MMP26: variants seen among roughly 807,000 people sequenced by gnomAD.
MMP26 encodes the protein matrix metallopeptidase 26.
MMP26 carries 33 observed loss-of-function variants against 31.0 expected under a neutral mutation model. The observed-to-expected ratio is 1.06, with a 90% CI of 0.81 to 1.42. The LOEUF is 1.42. MMP26 is among the 40% of genes most tolerant of loss of function. The pLI, the probability that MMP26 is intolerant of heterozygous loss-of-function variation, is 0.00. For synonymous variants in MMP26, 122 were observed against 114.9 expected, an observed-to-expected ratio of 1.06 and a Z score of -0.40; for missense variants, 347 against 316.1, an observed-to-expected ratio of 1.10 and a Z score of -0.74.
At chr11:4,717,477 T>TTA (rs1847949827) in intron 1 of MMP26, among the ~76,000 whole-genome samples, 1 of 151,566 alleles carries the variant, frequency 6.6e-6, no homozygotes, top group Non-Finnish European at 1.5e-5. Context: ...GAGAAAGAGA[T>TTA]ATTAACCAGT....
intron 2 of MMP26, chr11:4,803,419 C>T: frequency 5.2e-6 from 8 of 1,541,762 alleles, no homozygotes; most frequent in Non-Finnish European, 6.2e-6. Context: ...GATGGGGATA[C>T]ACTGACCCTT....
intron 2 of MMP26, among the ~76,000 whole-genome samples, chr11:4,985,887 C>T (rs999186556): frequency 1.3e-5 from 2 of 152,172 alleles, no homozygotes; most frequent in African/African-American, 4.8e-5. Flanking sequence ...ACAATCCCCT[C>T]CATGACAGAG....
At chr11:4,725,386 T>C (rs909301568) in intron 1 of MMP26, among the ~76,000 whole-genome samples, 2 of 152,218 alleles carry the variant, frequency 1.3e-5, no homozygotes, top group Admixed American at 6.5e-5. Context: ...CTTCTTGGCA[T>C]CTTAAAATTG....
At chr11:4,745,194 C>G (rs1462541710) in intron 1 of MMP26, among the ~76,000 whole-genome samples, 1 of 152,080 alleles carries the variant, frequency 6.6e-6, no homozygotes, top group Non-Finnish European at 1.5e-5. Context: ...GGTTTCACAC[C>G]CGGTTGTTCC....
At chr11:4,971,827 C>T (rs1598507) in intron 2 of MMP26, among the ~76,000 whole-genome samples, 78,289 of 151,914 alleles carry the variant, frequency 0.52, 20,744 homozygotes, top group South Asian at 0.64. Flanking sequence ...GAAGGTATCA[C>T]AGGCAAGAGG....
In MMP26 at chr11:4,804,372, C is replaced by G. The variant is rs771065228; in HGVS notation, c.-145+37031C>G. The G allele has an allele frequency of 4.3e-6, 7 of 1,613,774 alleles. No individual in the cohort carries two copies. The South Asian group carries it at 7.7e-5, about 18-fold the overall frequency. ...GATGAGAAGAGCTGTTCCCTGAAGC[C>G]AGCACCATGGACTGGTTAATATGGT... On this transcript the variant is annotated intron_variant, in intron 2 of 7. Coordinates refer to ENST00000380390, the MANE Select transcript of MMP26 (RefSeq NM_021801.5).
At chr11:4,848,390 C>T (rs763366600) in intron 2 of MMP26, 5 of 1,613,864 alleles carry the variant, frequency 3.1e-6, no homozygotes, top group Non-Finnish European at 4.2e-6. Flanking sequence ...GAGTGATTGG[C>T]AGCTCAGGAT....
At chr11:4,769,546 A>G in intron 2 of MMP26, 1 of 1,613,596 alleles carries the variant, frequency 6.2e-7, no homozygotes, top group Non-Finnish European at 8.5e-7. Flanking sequence ...TGGCCACATA[A>G]CGGTCAAAGG....
chr11:4,890,476 T>C (rs1161763973), intron 2 of MMP26: 1 of 154,556 alleles, frequency 6.5e-6, no homozygotes. Flanking sequence ...TTGCCTAGGA[T>C]GGCTACCAAG....
chr11:4,970,538 G>C (rs144543241), intron 2 of MMP26, among the ~76,000 whole-genome samples: 1 of 152,210 alleles, frequency 6.6e-6, no homozygotes, highest in Admixed American at 6.5e-5. Context: ...TGAGTATAGA[G>C]AGGTGAGCCA....
intron 2 of MMP26, chr11:4,907,981 C>T: frequency 6.2e-7 from 1 of 1,614,206 alleles, no homozygotes; most frequent in Non-Finnish European, 8.5e-7. Context: ...TCATTGCTCT[C>T]TGTACTATGC....
At chr11:4,854,990 C>T (rs1850029975) in intron 2 of MMP26, among the ~76,000 whole-genome samples, 1 of 152,216 alleles carries the variant, frequency 6.6e-6, no homozygotes, top group Non-Finnish European at 1.5e-5. Flanking sequence ...AACAGAGCTA[C>T]AGCTAAGGGT....
intron 2 of MMP26, chr11:4,849,349 C>G (rs1849940526): frequency 2.6e-6 from 2 of 769,320 alleles, no homozygotes; most frequent in Non-Finnish European, 4.2e-6. Flanking sequence ...TACACGTACA[C>G]ATATACACAT....
chr11:4,720,552 A>G (rs905612798), intron 1 of MMP26, among the ~76,000 whole-genome samples: 3 of 152,210 alleles, frequency 2.0e-5, no homozygotes, highest in African/African-American at 4.8e-5. Context: ...CTGAAAGGGA[A>G]AAAAAGGAAC....
intron 2 of MMP26, among the ~76,000 whole-genome samples, chr11:4,960,859 A>G (rs986085977): frequency 2.6e-5 from 4 of 152,196 alleles, no homozygotes; most frequent in South Asian, 2.1e-4. Flanking sequence ...TATTTTTGCA[A>G]GCATAAATGC....
intron 2 of MMP26, among the ~76,000 whole-genome samples, chr11:4,853,945 A>G (rs988295401): frequency 3.9e-5 from 6 of 152,348 alleles, no homozygotes; most frequent in African/African-American, 1.4e-4. Context: ...ATTTTGTGGA[A>G]TTTATGCGTA....
chr11:4,857,556 C>T (rs545887715), intron 2 of MMP26, among the ~76,000 whole-genome samples: 45 of 152,286 alleles, frequency 3.0e-4, no homozygotes, highest in Admixed American at 2.8e-3. Context: ...AGACCAATAA[C>T]AGGCTCTGAA....
At chr11:4,799,685 G>A (rs541525653) in intron 2 of MMP26, among the ~76,000 whole-genome samples, 43 of 152,210 alleles carry the variant, frequency 2.8e-4, no homozygotes, top group African/African-American at 1.0e-3. Flanking sequence ...AGTCTCATCT[G>A]GGACTCATCT....
chr11:4,986,932 C>CTCTCTCTCCCTCTCTCTCTCT (rs1564819722), intron 2 of MMP26, among the ~76,000 whole-genome samples: 4 of 60,448 alleles, frequency 6.6e-5, no homozygotes, highest in African/African-American at 2.1e-4. Context: ...TCTCTCTCTC[C>CTCTCTCTCCCTCTCTCTCTCT]CTCTCTCTCT....
Sources: gnomAD v4.1 joint callset for allele counts (sites outside exome capture counted in the v4.1 genomes callset) on GRCh38, gnomAD v4.1.1 for gene constraint, MANE v1.5 for transcripts, NCBI Gene and HGNC (gene_info 2026-07-23, HGNC 2026-07-21) for gene names.